The following TEAD1 variants were observed in gnomAD, a reference collection of about 807,000 sequenced individuals.
TEAD1 encodes TEA domain transcription factor 1.
TEAD1 carries 9 observed loss-of-function variants against 54.9 expected under a neutral mutation model. The observed-to-expected ratio is 0.16, with a 90% confidence interval of 0.10 to 0.29. TEAD1 has a LOEUF of 0.29. Among genes scored for constraint, TEAD1 ranks in the 10% least tolerant of loss-of-function variants. The pLI, the probability that TEAD1 is intolerant of heterozygous loss-of-function variation, is 1.00. For missense variants in TEAD1, 387 were observed against 535.9 expected (o/e 0.72, Z 2.74); for synonymous variants, 200 against 187.8 (o/e 1.07, Z -0.53).
intron 10 of TEAD1, among the ~76,000 whole-genome samples, chr11:12,914,864 A>G (rs11022548): frequency 0.17 from 26,392 of 152,034 alleles, 2,529 homozygotes; most frequent in Non-Finnish European, 0.22. Context: ...GCTGCCCGCC[A>G]CAGGGCCCAG....
At chr11:12,776,660 C>T (rs1382169039) in intron 3 of TEAD1, among the ~76,000 whole-genome samples, 1 of 151,428 alleles carries the variant, frequency 6.6e-6, no homozygotes, top group Non-Finnish European at 1.5e-5. Flanking sequence ...CTATGCATAC[C>T]CTGCAGATAA....
intron 9 of TEAD1, among the ~76,000 whole-genome samples, chr11:12,887,147 A>T (rs1589960413): frequency 7.4e-6 from 1 of 135,168 alleles, no homozygotes; most frequent in South Asian, 2.4e-4. Flanking sequence ...CTCAGGCTGG[A>T]GTGCGGTGGC....
chr11:12,871,698 C>T (rs775286685), intron 5 of TEAD1, among the ~76,000 whole-genome samples: 134 of 152,288 alleles, frequency 8.8e-4, no homozygotes, highest in Non-Finnish European at 1.7e-3. Flanking sequence ...CACTGTGGGC[C>T]ATCTCCATCT....
chr11:12,789,567 A>G (rs1395045722), intron 3 of TEAD1, among the ~76,000 whole-genome samples: 1 of 152,206 alleles, frequency 6.6e-6, no homozygotes, highest in Non-Finnish European at 1.5e-5. Context: ...TTTGGCTCAG[A>G]GAAGGTAGGC....
intron 3 of TEAD1, among the ~76,000 whole-genome samples, chr11:12,843,517 G>T (rs565492970): frequency 6.6e-6 from 1 of 152,252 alleles, no homozygotes; most frequent in East Asian, 1.9e-4. Flanking sequence ...GTGGTTTTTT[G>T]AATTTTAATT....
chr11:12,676,848 T>C (rs1309188048), intron 2 of TEAD1, among the ~76,000 whole-genome samples: 1 of 152,154 alleles, frequency 6.6e-6, no homozygotes, highest in Non-Finnish European at 1.5e-5. Flanking sequence ...TTATTGTTGG[T>C]ATAAAAAATG....
intron 3 of TEAD1, among the ~76,000 whole-genome samples, chr11:12,789,494 A>G (rs929990152): frequency 5.9e-5 from 9 of 152,210 alleles, no homozygotes; most frequent in African/African-American, 1.9e-4. Flanking sequence ...TCCAAGTTCA[A>G]GTTTTGAGTG....
At chr11:12,845,884 GCATAC>G (rs1947136450) in intron 3 of TEAD1, among the ~76,000 whole-genome samples, 1 of 152,238 alleles carries the variant, frequency 6.6e-6, no homozygotes, top group South Asian at 2.1e-4. Context: ...AGTTTGCTCA[GCATAC>G]CACACAGGAA....
Position 12,910,994 on chromosome 11 carries a change from G to A in TEAD1, c.873+8881G>A, listed in dbSNP as rs934980771. Among the ~76,000 whole-genome samples, 6 of 152,202 alleles carry A rather than the reference G, an allele frequency of 3.9e-5. No homozygotes were observed. In the South Asian group the frequency reaches 8.3e-4, roughly 21 times the overall value. The stretch of plus-strand genomic sequence containing the variant: ...ACTCCTGACCTCAGGTGATCCACCC[G>A]CCTTGGCCTCCCAAAGTGCTGGGAT... On this transcript the variant is annotated intron_variant, in intron 10 of 12. Transcript: ENST00000527636.
At chr11:12,934,003 G>T (rs1949055503) in intron 12 of TEAD1, among the ~76,000 whole-genome samples, 1 of 152,158 alleles carries the variant, frequency 6.6e-6, no homozygotes, top group Non-Finnish European at 1.5e-5. Context: ...TCTAGAACTA[G>T]AAATACAATT....
Position 12,883,066 on chromosome 11 carries a change from A to G in TEAD1, c.640A>G (p.Thr214Ala). The G allele has an allele frequency of 1.2e-6, 2 of 1,614,132 alleles. No individual in the cohort carries two copies. Among genetic ancestry groups the G allele is most frequent in the Non-Finnish European group, 1.7e-6 (2 of 1,180,026 alleles). Residue 214 changes from threonine (T) to alanine (A), a missense_variant, in exon 9 of 13, where the codon ACC becomes GCC. Coordinates refer to ENST00000527636, the MANE Select transcript of TEAD1 (RefSeq NM_021961.6). Reference sequence around the variant, plus strand: ...CTGGCAAGGTCGCTCCATTGGCACAACCAAGCTTCGCCTGGTGGAATTTTC... The same window carrying G: ...CTGGCAAGGTCGCTCCATTGGCACAGCCAAGCTTCGCCTGGTGGAATTTTC...
intron 2 of TEAD1, among the ~76,000 whole-genome samples, chr11:12,727,386 G>A (rs1028223693): frequency 2.6e-5 from 4 of 152,152 alleles, no homozygotes; most frequent in Non-Finnish European, 5.9e-5. Flanking sequence ...GCTGTGAATC[G>A]GGTCCTGTGG....
At chr11:12,835,567 G>A (rs529200623) in intron 3 of TEAD1, among the ~76,000 whole-genome samples, 11 of 151,260 alleles carry the variant, frequency 7.3e-5, no homozygotes, top group African/African-American at 2.2e-4. Flanking sequence ...TGATCCGCCC[G>A]CCTTGGCCTC....
intron 11 of TEAD1, among the ~76,000 whole-genome samples, chr11:12,927,956 T>C (rs1327495227): frequency 6.6e-6 from 1 of 152,192 alleles, no homozygotes; most frequent in Non-Finnish European, 1.5e-5. Flanking sequence ...TGTTTTGCCC[T>C]TTAGGATTAT....
intron 2 of TEAD1, among the ~76,000 whole-genome samples, chr11:12,694,009 A>T (rs1225394521): frequency 6.6e-6 from 1 of 152,132 alleles, no homozygotes; most frequent in African/African-American, 2.4e-5. Context: ...ATTTACTGAA[A>T]CTGTTTATAA....
chr11:12,931,962 A>T (rs2030725093), intron 12 of TEAD1, among the ~76,000 whole-genome samples: 1 of 152,212 alleles, frequency 6.6e-6, no homozygotes, highest in African/African-American at 2.4e-5. Context: ...GCAACCAGGT[A>T]GAGACCCACT....
chr11:12,878,291 G>C (rs532652886), intron 5 of TEAD1, among the ~76,000 whole-genome samples: 19 of 152,102 alleles, frequency 1.2e-4, no homozygotes, highest in African/African-American at 4.6e-4. Flanking sequence ...AAACTCCTTT[G>C]GCCTTGCTTT....
At chr11:12,909,037 C>T (rs1258886915) in intron 10 of TEAD1, among the ~76,000 whole-genome samples, 1 of 152,106 alleles carries the variant, frequency 6.6e-6, no homozygotes, top group Non-Finnish European at 1.5e-5. Flanking sequence ...GACCAGGCAT[C>T]TTCATCAGCC....
At chr11:12,882,911 TG>T in intron 8 of TEAD1, 89 bp from the exon 9 acceptor site, 1 of 1,604,272 alleles carries the variant, frequency 6.2e-7, no homozygotes, top group Non-Finnish European at 8.5e-7. Flanking sequence ...CATTTCCTTC[TG>T]GGTCATCTGT....
Sources: gnomAD v4.1 joint callset for allele counts (sites outside exome capture counted in the v4.1 genomes callset) on GRCh38, gnomAD v4.1.1 for gene constraint, MANE v1.5 for transcripts, NCBI Gene and HGNC (gene_info 2026-07-23, HGNC 2026-07-21) for gene names.